The following DENND1B variants were observed in gnomAD, a reference collection of about 807,000 sequenced individuals.
DENND1B encodes the protein DENN domain containing 1B.
Under a neutral mutation model 90.1 loss-of-function variants are expected in DENND1B, and 59 were observed. The observed-to-expected ratio is 0.65, with a 90% CI of 0.53 to 0.81. DENND1B has a LOEUF of 0.81. DENND1B is among the 40% of genes least tolerant of loss of function. The pLI is 0.00. For missense variants in DENND1B, 862 were observed against 912.6 expected, an observed-to-expected ratio of 0.94 and a Z score of 0.71; for synonymous variants, 337 against 324.6, an observed-to-expected ratio of 1.04 and a Z score of -0.41.
At chr1:197,670,590 T>A (rs889787092) in intron 5 of DENND1B, among the ~76,000 whole-genome samples, 2 of 151,848 alleles carry the variant, frequency 1.3e-5, no homozygotes, top group African/African-American at 4.8e-5. Flanking sequence ...TATTGTACCA[T>A]GAAAATTTTT....
At chr1:197,714,495 T>C (rs1393243303) in intron 3 of DENND1B, among the ~76,000 whole-genome samples, 1 of 152,076 alleles carries the variant, frequency 6.6e-6, no homozygotes, top group African/African-American at 2.4e-5. Context: ...ATGGAATAAA[T>C]TCATCCAGTA....
chr1:197,597,399 GT>G (rs544270240), intron 13 of DENND1B, among the ~76,000 whole-genome samples: 98 of 151,086 alleles, frequency 6.5e-4, no homozygotes, highest in Non-Finnish European at 1.1e-3. Flanking sequence ...TATATAAATA[GT>G]TTTTTTAAAA....
At chr1:197,540,237 AAAATT>A (rs1670237696) in intron 19 of DENND1B, among the ~76,000 whole-genome samples, 166 bp from the exon 20 acceptor site, 1 of 151,986 alleles carries the variant, frequency 6.6e-6, no homozygotes, top group African/African-American at 2.4e-5. Flanking sequence ...TTCTATAATC[AAAATT>A]AATAAATTTA....
At position 197,508,525 on chromosome 1, in the gene DENND1B, A is replaced by C. The variant is rs1667833491; in HGVS notation, c.*1935T>G. The C allele has an allele frequency of 6.6e-6, 1 of 151,798 alleles. No individual in the cohort carries two copies. The highest frequency in any genetic ancestry group is 6.6e-5 in the Admixed American group (1 of 15,200). 9.4% of individuals were successfully genotyped at this position (151,798 alleles called of 1,614,324 possible). On this transcript the variant is annotated 3_prime_UTR_variant, in exon 23 of 23. Transcript: ENST00000620048. ...TCTTCTTATATAATCATAATGAATA[A>C]GTGTCCCAAATAACACATATCCATT...
chr1:197,607,138 A>C lies in DENND1B; in HGVS notation c.856T>G (p.Leu286Val), dbSNP rs1392054839. 1 of 1,600,628 alleles carries C rather than the reference A, an allele frequency of 6.2e-7. No homozygotes were observed. ...KNKSLEDVVM[L>V]NVDTNTLESP... ...TCTAATGTGTTTGTATCAACATTTA[A>C]CATAACAACATCTTCCAATGATTTG... Residue 286 changes from leucine (L) to valine (V), a missense_variant, in exon 13 of 23, where the codon TTA (leucine) becomes GTA (valine). Physicochemically the swap from Leu to Val is conservative, Grantham distance 32. Coordinates refer to ENST00000620048, the MANE Select transcript of DENND1B (RefSeq NM_001195215.2).
chr1:197,715,045 C>A lies in DENND1B; in HGVS notation c.112G>T (p.Asp38Tyr). The A allele has an allele frequency of 6.2e-7, 1 of 1,611,216 alleles. No individual in the cohort carries two copies. The highest frequency in any genetic ancestry group is 8.5e-7 in the Non-Finnish European group (1 of 1,178,452). Residue 38 changes from aspartate to tyrosine, a missense_variant, in exon 3 of 23, where the codon GAC (aspartate) becomes TAC (tyrosine). Physicochemically the swap from Asp to Tyr is radical, Grantham distance 160 (BLOSUM62 -3). Coordinates refer to ENST00000620048, the MANE Select transcript of DENND1B (RefSeq NM_001195215.2). ...GTGGTACCAACCTGGTCTCCAAAGT[C>A]CTCTGGGAATTTCCACAATACCACA... Reference protein sequence around the residue: ...DPVVLWKFPEDFGDQEILQSV... With the variant: ...DPVVLWKFPEYFGDQEILQSV...
chr1:197,593,537 T>A (rs1029453492), intron 14 of DENND1B, among the ~76,000 whole-genome samples: 5 of 151,758 alleles, frequency 3.3e-5, no homozygotes, highest in African/African-American at 1.2e-4. Flanking sequence ...GATTTTTTTT[T>A]AAAAAGTCAC....
intron 10 of DENND1B, among the ~76,000 whole-genome samples, chr1:197,634,027 T>C (rs574415104): frequency 2.6e-5 from 4 of 152,248 alleles, no homozygotes; most frequent in Admixed American, 6.5e-5. Context: ...AGGGCAGGAT[T>C]CCAGAAAATT....
chr1:197,780,793 T>G, the DENND1B span, among the ~76,000 whole-genome samples: 1 of 152,188 alleles, frequency 6.6e-6, no homozygotes, highest in Non-Finnish European at 1.5e-5. Context: ...TAGTGTCATG[T>G]AAAATGGACT....
intron 3 of DENND1B, among the ~76,000 whole-genome samples, chr1:197,699,870 A>G (rs1304054571): frequency 6.6e-6 from 1 of 152,146 alleles, no homozygotes; most frequent in Non-Finnish European, 1.5e-5. Flanking sequence ...ATCACTACAA[A>G]GAGAATAAAA....
chr1:197,774,487 C>T (rs1200752179), intron 1 of DENND1B: 1 of 152,104 alleles, frequency 6.6e-6, no homozygotes, highest in Non-Finnish European at 1.5e-5. Flanking sequence ...TGCTTTTTAC[C>T]TAATCTCCTG....
intron 10 of DENND1B, among the ~76,000 whole-genome samples, chr1:197,635,730 ATGAT>A (rs1679727730): frequency 6.6e-6 from 1 of 152,204 alleles, no homozygotes; most frequent in Non-Finnish European, 1.5e-5. Flanking sequence ...GGTAAATGCT[ATGAT>A]AATTCAGAGA....
intron 12 of DENND1B, among the ~76,000 whole-genome samples, chr1:197,609,194 A>T (rs1676964326): frequency 6.6e-6 from 1 of 150,674 alleles, no homozygotes; most frequent in Admixed American, 6.6e-5. Context: ...AGAAAATAAT[A>T]TTAGACATAG....
chr1:197,562,175 G>T (rs1306615562), intron 15 of DENND1B, among the ~76,000 whole-genome samples: 2 of 151,828 alleles, frequency 1.3e-5, no homozygotes, highest in Non-Finnish European at 2.9e-5. Flanking sequence ...TTTGTTATTA[G>T]AAATAAAAGT....
At chr1:197,596,210 T>C (rs980567251) in intron 13 of DENND1B, among the ~76,000 whole-genome samples, 2 of 152,034 alleles carry the variant, frequency 1.3e-5, no homozygotes, top group Non-Finnish European at 2.9e-5. Context: ...TTTCATACAT[T>C]TTTCTATCTT....
At chr1:197,616,585 T>C (rs1368363005) in intron 11 of DENND1B, among the ~76,000 whole-genome samples, 1 of 151,126 alleles carries the variant, frequency 6.6e-6, no homozygotes, top group Non-Finnish European at 1.5e-5. Flanking sequence ...GTAATCAATA[T>C]GTGGCCAAGT....
chr1:197,527,390 C>T (rs1669222804), intron 20 of DENND1B, among the ~76,000 whole-genome samples: 1 of 147,298 alleles, frequency 6.8e-6, no homozygotes, highest in African/African-American at 2.5e-5. Context: ...TCAAGTGATT[C>T]TCCTGCCTCA....
At chr1:197,748,155 G>A (rs554430159) in intron 2 of DENND1B, among the ~76,000 whole-genome samples, 1 of 151,874 alleles carries the variant, frequency 6.6e-6, no homozygotes, top group East Asian at 1.9e-4. Context: ...AACAAAATGT[G>A]ATACTTAGTT....
intron 15 of DENND1B, among the ~76,000 whole-genome samples, chr1:197,569,563 TACAC>T (rs4026518): frequency 0.028 from 4,217 of 148,080 alleles, 90 homozygotes; most frequent in African/African-American, 0.059. Flanking sequence ...AAATGTGGTA[TACAC>T]ACACACACAC....
Sources: gnomAD v4.1 joint callset for allele counts (sites outside exome capture counted in the v4.1 genomes callset) on GRCh38, gnomAD v4.1.1 for gene constraint, MANE v1.5 for transcripts, NCBI Gene and HGNC (gene_info 2026-07-23, HGNC 2026-07-21) for gene names.